Variants in STAG2 observed in about 807,000 individuals in gnomAD.
The protein encoded by STAG2 is STAG2 cohesin complex component, also known as cohesin subunit SA-2.
In STAG2, 14 loss-of-function variants were observed where a neutral mutation model predicts 108.1. The ratio of observed to expected loss-of-function variants is 0.13; its 90% confidence interval spans 0.09 to 0.20. The LOEUF (loss-of-function observed/expected upper bound fraction) is 0.20. Ranked by LOEUF, STAG2 falls within the 10% of genes least tolerant of loss-of-function variation. STAG2 has a pLI of 1.00. For missense variants in STAG2, 440 were observed against 940.9 expected, an observed-to-expected ratio of 0.47 and a Z score of 6.96; for synonymous variants, 307 against 302.7, an observed-to-expected ratio of 1.01 and a Z score of -0.15.
chrX:124,003,050 T>G (rs2056125302), intron 1 of STAG2, among the ~76,000 whole-genome samples: 1 of 107,275 alleles, frequency 9.3e-6, no homozygotes, highest in African/African-American at 3.4e-5. Flanking sequence ...TCACTGCAAC[T>G]TCTACCTCCT....
intron 29 of STAG2, among the ~76,000 whole-genome samples, chrX:124,085,001 T>C (rs749464916): frequency 3.6e-5 from 4 of 111,943 alleles, no homozygotes; most frequent in Non-Finnish European, 7.5e-5. Context: ...CCTGAATACA[T>C]GCACAAGGAG....
At chrX:124,082,638 C>T (rs745356519) in intron 28 of STAG2, among the ~76,000 whole-genome samples, 2 of 110,614 alleles carry the variant, frequency 1.8e-5, no homozygotes, top group Non-Finnish European at 3.8e-5. Context: ...AAGAGATCCT[C>T]CCACTTAGGC....
chrX:124,042,146 A>C (rs975753734), intron 6 of STAG2, among the ~76,000 whole-genome samples: 1 of 111,298 alleles, frequency 9.0e-6, no homozygotes, highest in Admixed American at 9.6e-5. Flanking sequence ...GACTTGACTA[A>C]AGTGAACTCT....
rs181297466 is a variant in STAG2 at position 124,007,392 on chromosome X, A to T, written c.-162-13975A>T. 1.4e-4 allele frequency among the ~76,000 whole-genome samples: 16 copies of T among 111,650 alleles called. No individual in the cohort carries two copies. The East Asian group carries it at 4.2e-3, about 29-fold the overall frequency. On this transcript the variant is annotated intron_variant, in intron 1 of 34. Coordinates refer to ENST00000371145, the MANE Select transcript of STAG2 (RefSeq NM_001042750.2). The stretch of plus-strand genomic sequence containing the variant: ...AAGTGTTGTGTTCTGACCTCACTTT[A>T]TATGAATACTTTCTCTGTATGTCTG...
intron 25 of STAG2, among the ~76,000 whole-genome samples, chrX:124,075,401 C>A (rs1210455066): frequency 1.8e-5 from 2 of 111,079 alleles, no homozygotes; most frequent in Non-Finnish European, 3.8e-5. Flanking sequence ...AGCCTCCCAA[C>A]TAGGTGGGAG....
chrX:124,060,777 A>T (rs1368804540), intron 15 of STAG2, among the ~76,000 whole-genome samples: 3 of 107,625 alleles, frequency 2.8e-5, no homozygotes, highest in African/African-American at 1.0e-4. Context: ...TACATAAATT[A>T]GCCGGGCGTG....
At chrX:124,000,911 CAAAA>C (rs945668901) in intron 1 of STAG2, among the ~76,000 whole-genome samples, 5 of 109,761 alleles carry the variant, frequency 4.6e-5, no homozygotes, top group African/African-American at 6.6e-5. Context: ...AGTTTGAAAA[CAAAA>C]CAAATAAAAA....
chrX:124,097,209 A>T (rs900075060), intron 34 of STAG2, among the ~76,000 whole-genome samples: 6 of 100,287 alleles, frequency 6.0e-5, no homozygotes, highest in Non-Finnish European at 1.2e-4. Context: ...AAAAAAGTAG[A>T]ATCTGCTTCA....
intron 24 of STAG2, among the ~76,000 whole-genome samples, chrX:124,069,816 T>C (rs188940533): frequency 3.6e-4 from 40 of 111,927 alleles, no homozygotes; most frequent in African/African-American, 1.2e-3. Context: ...GGTACTTTAA[T>C]TTTCATCTCT....
chrX:124,046,576 A>T (rs371398448), intron 8 of STAG2, among the ~76,000 whole-genome samples: 1 of 111,989 alleles, frequency 8.9e-6, no homozygotes. Flanking sequence ...GTATCATGCA[A>T]TGCACCAAGT....
chrX:123,971,017 G>A (rs184162289), intron 1 of STAG2, among the ~76,000 whole-genome samples: 2 of 111,899 alleles, frequency 1.8e-5, no homozygotes, highest in Non-Finnish European at 3.8e-5. Context: ...CAGAAACTAG[G>A]ACTGTTTGAG....
chrX:123,970,188 C>T (rs2054296035), intron 1 of STAG2, among the ~76,000 whole-genome samples: 1 of 109,735 alleles, frequency 9.1e-6, no homozygotes, highest in Admixed American at 9.9e-5. Context: ...CAGTCTTATA[C>T]TCAGACTCTT....
intron 1 of STAG2, among the ~76,000 whole-genome samples, chrX:123,965,451 TATGA>T (rs2054052895): frequency 8.9e-6 from 1 of 111,760 alleles, no homozygotes; most frequent in Non-Finnish European, 1.9e-5. Flanking sequence ...CCTGAGGACT[TATGA>T]ATTAAAGTGA....
At position 123,972,219 on chromosome X, in the gene STAG2, G is replaced by GT. The variant is rs561069110; in HGVS notation, c.-163+10374dup. Among the ~76,000 whole-genome samples, 522 of 99,437 alleles carry GT rather than the reference G, an allele frequency of 5.2e-3. 8 individuals are homozygous for GT. Among genetic ancestry groups the GT allele is most frequent in the South Asian group, 0.047 (109 of 2,326 alleles). 86.3% of individuals were successfully genotyped at this position (99,437 alleles called of 115,157 possible). A position where few individuals can be genotyped will look rare whatever the true frequency, so the allele number is the denominator to read the frequency against. On this transcript the variant is annotated intron_variant, in intron 1 of 34. Transcript: ENST00000371145. ...TTTAATAGTTCATTGAGTAATTTGTGTTTTTTTTTTTCCCTCTAGCTAGTT... is the reference window on the plus strand; with the variant it reads ...TTTAATAGTTCATTGAGTAATTTGTGTTTTTTTTTTTTCCCTCTAGCTAGTT...
chrX:123,965,209 T>A (rs913714386), intron 1 of STAG2, among the ~76,000 whole-genome samples: 1 of 111,960 alleles, frequency 8.9e-6, no homozygotes, highest in Non-Finnish European at 1.9e-5. Flanking sequence ...ATAGGTGACA[T>A]ATTTCAAATT....
chrX:123,999,909 C>T (rs1469041974), intron 1 of STAG2, among the ~76,000 whole-genome samples: 1 of 108,828 alleles, frequency 9.2e-6, no homozygotes, highest in East Asian at 2.9e-4. Context: ...CCACCCTGCC[C>T]GGCCATAGTT....
Position 124,090,557 on chromosome X carries a change from G to A in STAG2, c.3278-18G>A, listed in dbSNP as rs754356072. 1.7e-6 allele frequency: 2 copies of A among 1,193,847 alleles called. No homozygotes were observed. Among genetic ancestry groups the A allele is most frequent in the Admixed American group, 2.2e-5 (1 of 45,227 alleles). Reference sequence around the variant, plus strand: ...TCAAAATTAGTGACTAAACCTCGTCGTTAATTTTCTTTTCCAGCTGAAGAA... The same window carrying A: ...TCAAAATTAGTGACTAAACCTCGTCATTAATTTTCTTTTCCAGCTGAAGAA... On this transcript the variant is annotated intron_variant, in intron 30 of 34. Coordinates refer to ENST00000371145, the MANE Select transcript of STAG2 (RefSeq NM_001042750.2).
At chrX:124,098,448 A>G (rs888495990) in intron 34 of STAG2, among the ~76,000 whole-genome samples, 1 of 111,601 alleles carries the variant, frequency 9.0e-6, no homozygotes, top group Non-Finnish European at 1.9e-5. Context: ...AACTTAAGAA[A>G]TGGAATAATG....
intron 1 of STAG2, chrX:123,963,167 GTCAT>G (rs2053944907): frequency 9.0e-6 from 1 of 111,407 alleles, no homozygotes. Context: ...ACCGAAGTGC[GTCAT>G]TCCTGGCTCT....
Sources: allele counts gnomAD v4.1 joint callset (sites outside exome capture counted in the v4.1 genomes callset), GRCh38; gene constraint gnomAD v4.1.1; transcripts MANE v1.5; gene names NCBI Gene and HGNC (gene_info 2026-07-23, HGNC 2026-07-21).